Variants in NEK1 observed in about 807,000 individuals in gnomAD.
The protein encoded by NEK1 is serine/threonine-protein kinase Nek1.
A neutral mutation model predicts 182.1 loss-of-function variants in NEK1; 137 were observed. The ratio of observed to expected loss-of-function variants is 0.75; its 90% confidence interval spans 0.65 to 0.87. The LOEUF (loss-of-function observed/expected upper bound fraction) is 0.87. Ranked by LOEUF, NEK1 falls within the 40% of genes least tolerant of loss-of-function variation. The probability of loss-of-function intolerance (pLI) is 0.00; values close to 1 mark genes in which losing one functional copy is unlikely to be tolerated. For synonymous variants in NEK1, 513 were observed against 492.2 expected (o/e 1.04, Z -0.56); for missense variants, 1,391 against 1,494.4 (o/e 0.93, Z 1.14).
intron 27 of NEK1, among the ~76,000 whole-genome samples, chr4:169,442,387 G>C (rs1237989820): frequency 6.6e-6 from 1 of 152,020 alleles, no homozygotes; most frequent in Non-Finnish European, 1.5e-5. Context: ...TGCCCACCCA[G>C]AATCAAAGCC....
intron 19 of NEK1, among the ~76,000 whole-genome samples, chr4:169,511,670 G>C (rs987070856): frequency 1.3e-5 from 2 of 151,100 alleles, no homozygotes; most frequent in Non-Finnish European, 3.0e-5. Context: ...TCTTTTATTT[G>C]TGCCGTGCAT....
intron 18 of NEK1, among the ~76,000 whole-genome samples, chr4:169,549,802 C>T (rs1761141209): frequency 6.6e-6 from 1 of 152,116 alleles, no homozygotes; most frequent in African/African-American, 2.4e-5. Context: ...TCACTGCCAC[C>T]TCCGCTTCCC....
chr4:169,411,436 C>T (rs990904735), intron 31 of NEK1, among the ~76,000 whole-genome samples: 12 of 152,152 alleles, frequency 7.9e-5, no homozygotes, highest in African/African-American at 2.9e-4. Context: ...AAGCGACTTT[C>T]GGGCCTCAGC....
intron 19 of NEK1, among the ~76,000 whole-genome samples, chr4:169,513,120 TA>T (rs1754458592): frequency 6.6e-6 from 1 of 152,184 alleles, no homozygotes; most frequent in Non-Finnish European, 1.5e-5. Flanking sequence ...AGCCTGTCTA[TA>T]TTAAAAAATA....
At chr4:169,413,341 T>A (rs888311225) in intron 31 of NEK1, among the ~76,000 whole-genome samples, 10 of 151,988 alleles carry the variant, frequency 6.6e-5, no homozygotes, top group Non-Finnish European at 1.3e-4. Flanking sequence ...TTGGCTAATT[T>A]TAAAATGTTT....
intron 31 of NEK1, among the ~76,000 whole-genome samples, chr4:169,421,525 C>A (rs1735488379): frequency 6.6e-6 from 1 of 152,124 alleles, no homozygotes; most frequent in Non-Finnish European, 1.5e-5. Context: ...TTCCCCCATG[C>A]TATTCTTGTG....
intron 19 of NEK1, among the ~76,000 whole-genome samples, chr4:169,527,042 CAAAG>C (rs1756991275): frequency 6.6e-6 from 1 of 151,914 alleles, no homozygotes; most frequent in Non-Finnish European, 1.5e-5. Context: ...ATACTAAAGA[CAAAG>C]AAAAAATACT....
At chr4:169,557,788 G>A (rs752684631) in intron 16 of NEK1, among the ~76,000 whole-genome samples, 4 of 151,954 alleles carry the variant, frequency 2.6e-5, no homozygotes, top group Non-Finnish European at 2.9e-5. Flanking sequence ...AAAATTAGCC[G>A]GGCGCAGTGG....
chr4:169,576,630 T>C (rs1765727722), intron 12 of NEK1: 1 of 190,104 alleles, frequency 5.3e-6, no homozygotes, highest in Non-Finnish European at 1.1e-5. Context: ...CATAGGTATT[T>C]ATTTCATTTA....
intron 12 of NEK1, among the ~76,000 whole-genome samples, chr4:169,563,864 C>T (rs1316734467): frequency 1.3e-5 from 2 of 152,298 alleles, no homozygotes; most frequent in East Asian, 3.9e-4. Flanking sequence ...CTCTAATCTG[C>T]TAATGCAGTA....
chr4:169,403,383 C>T (rs1286926067), intron 32 of NEK1, among the ~76,000 whole-genome samples: 4 of 151,886 alleles, frequency 2.6e-5, no homozygotes, highest in Admixed American at 6.6e-5. Flanking sequence ...GCCTGGGCAA[C>T]ATAGCGAGAC....
At chr4:169,498,570 T>G (rs1368364907) in intron 23 of NEK1, among the ~76,000 whole-genome samples, 2 of 152,222 alleles carry the variant, frequency 1.3e-5, no homozygotes, top group African/African-American at 4.8e-5. Context: ...GTTTAGTGCT[T>G]CCTTCTGGAG....
intron 26 of NEK1, among the ~76,000 whole-genome samples, chr4:169,475,642 G>A (rs1356987242): frequency 6.6e-6 from 1 of 152,044 alleles, no homozygotes; most frequent in Non-Finnish European, 1.5e-5. Flanking sequence ...TCAATAAAAT[G>A]GACCCAATAA....
chr4:169,505,475 T>C (rs1349347189), intron 23 of NEK1, among the ~76,000 whole-genome samples: 1 of 152,240 alleles, frequency 6.6e-6, no homozygotes, highest in Admixed American at 6.5e-5. Flanking sequence ...ATACAGCATA[T>C]AATACACATA....
intron 26 of NEK1, among the ~76,000 whole-genome samples, chr4:169,464,748 A>G (rs1744612002): frequency 6.6e-6 from 1 of 152,202 alleles, no homozygotes; most frequent in African/African-American, 2.4e-5. Context: ...CAGAAAAAAT[A>G]GAAAACAAAT....
chr4:169,570,087 G>A lies in NEK1; in HGVS notation c.1020+6841C>T, dbSNP rs751543466. 4.0e-3 allele frequency among the ~76,000 whole-genome samples: 597 copies of A among 150,776 alleles called. 4 individuals carry two copies. Among genetic ancestry groups the A allele is most frequent in the South Asian group, 0.029 (138 of 4,752 alleles). ...GCCGCCATCCCATCTAGGAAGTGAG[G>A]AGCGTCTCTGCCTGGCCGCCCATCG... On this transcript the variant is annotated intron_variant, in intron 12 of 35. Coordinates refer to ENST00000507142, the MANE Select transcript of NEK1 (RefSeq NM_001199397.3).
chr4:169,580,254 T>C (rs1766392974), intron 11 of NEK1, among the ~76,000 whole-genome samples: 1 of 152,230 alleles, frequency 6.6e-6, no homozygotes, highest in Non-Finnish European at 1.5e-5. Flanking sequence ...CTCAGCTCTT[T>C]GGGAGGCCGA....
intron 35 of NEK1, among the ~76,000 whole-genome samples, chr4:169,396,107 T>C (rs1730643148): frequency 6.6e-6 from 1 of 152,060 alleles, no homozygotes; most frequent in Admixed American, 6.5e-5. Context: ...GGCTCATGCC[T>C]GTAATCCCAG....
intron 29 of NEK1, among the ~76,000 whole-genome samples, chr4:169,429,459 T>C (rs949780445): frequency 9.9e-5 from 15 of 152,200 alleles, no homozygotes; most frequent in African/African-American, 2.9e-4. Context: ...ATTTCATATA[T>C]GTATTTGCAG....
Sources: allele counts gnomAD v4.1 joint callset (sites outside exome capture counted in the v4.1 genomes callset), GRCh38; gene constraint gnomAD v4.1.1; transcripts MANE v1.5; gene names NCBI Gene and HGNC (gene_info 2026-07-23, HGNC 2026-07-21).